NUP210: variants seen among roughly 807,000 people sequenced by gnomAD.
NUP210 encodes nucleoporin 210.
Under a neutral mutation model 196.0 loss-of-function variants are expected in NUP210, and 151 were observed. The ratio of observed to expected loss-of-function variants is 0.77; its 90% CI spans 0.67 to 0.88. NUP210 has a LOEUF of 0.88. Among genes scored for constraint, NUP210 ranks in the 40% least tolerant of loss-of-function variants. The pLI is 0.00. For synonymous variants in NUP210, 1,070 were observed against 1,052.7 expected (o/e 1.02, Z -0.32); for missense variants, 2,314 against 2,493.7 (o/e 0.93, Z 1.53).
intron 33 of NUP210, among the ~76,000 whole-genome samples, chr3:13,325,187 C>T (rs1403485672): frequency 1.3e-5 from 2 of 152,190 alleles, no homozygotes; most frequent in Non-Finnish European, 2.9e-5. Flanking sequence ...CACCCCATCC[C>T]CTGACCAGAG....
chr3:13,337,566 T>C (rs1697266769), intron 26 of NUP210, among the ~76,000 whole-genome samples: 1 of 150,952 alleles, frequency 6.6e-6, no homozygotes, highest in Non-Finnish European at 1.5e-5. Context: ...CAGCACGGAG[T>C]TGAGTTAAGT....
At chr3:13,322,598 C>G (rs1461948608) in intron 34 of NUP210, among the ~76,000 whole-genome samples, 5 of 152,254 alleles carry the variant, frequency 3.3e-5, no homozygotes, top group African/African-American at 1.2e-4. Flanking sequence ...ACCTTGCATC[C>G]AGGGGCACGG....
At chr3:13,343,339 TGGG>T in intron 20 of NUP210, 36 bp from the exon 21 acceptor site, 5 of 282,508 alleles carry the variant, frequency 1.8e-5, no homozygotes, top group Admixed American at 1.1e-4. Context: ...GGGTGGGTGG[TGGG>T]TTACGCAGCT....
intron 31 of NUP210, among the ~76,000 whole-genome samples, chr3:13,328,316 T>TG (rs1313410854): frequency 6.6e-6 from 1 of 152,248 alleles, no homozygotes; most frequent in African/African-American, 2.4e-5. Context: ...GATTTTTGGA[T>TG]GGTGACCTAC....
intron 18 of NUP210, among the ~76,000 whole-genome samples, chr3:13,352,999 G>A (rs149415281): frequency 9.2e-5 from 14 of 152,106 alleles, no homozygotes; most frequent in African/African-American, 3.4e-4. Context: ...CAGGCATCAG[G>A]CAGGAGGCCG....
chr3:13,350,838 G>A lies in NUP210; in HGVS notation c.2835+1041C>T, dbSNP rs994102703. 6.6e-6 allele frequency among the ~76,000 whole-genome samples: 1 copy of A among 150,684 alleles called. No homozygotes were observed. Among genetic ancestry groups the A allele is most frequent in the Non-Finnish European group, 1.5e-5 (1 of 67,434 alleles). On this transcript the variant is annotated intron_variant, in intron 20 of 39. Coordinates refer to ENST00000254508, the MANE Select transcript of NUP210 (RefSeq NM_024923.4). This position sits in a 1 kb window ranked among gnomAD's most constrained non-coding sequence, Gnocchi z 4.1. The stretch of plus-strand genomic sequence containing the variant: ...CTCCCGAGTAGCTGGGAATACAGGC[G>A]CCCGCCACTACGCCTGGCTAATTTT...
chr3:13,416,861 A>G (rs1036496294), intron 1 of NUP210, among the ~76,000 whole-genome samples: 1 of 152,230 alleles, frequency 6.6e-6, no homozygotes, highest in Non-Finnish European at 1.5e-5. Flanking sequence ...GAGAGGAAAC[A>G]TAAGTGACCG....
At chr3:13,322,447 C>A (rs1696579118) in intron 34 of NUP210, 108 bp from the exon 35 acceptor site, 1 of 1,250,512 alleles carries the variant, frequency 8.0e-7, no homozygotes, top group Non-Finnish European at 1.1e-6. Context: ...CCTGCCCCTG[C>A]ATGTCTTCCA....
At chr3:13,358,170 C>T (rs1386940129) in intron 16 of NUP210, 52 bp downstream of exon 16, 2 of 1,532,158 alleles carry the variant, frequency 1.3e-6, no homozygotes, top group East Asian at 2.3e-5. Context: ...CAATGTCCTC[C>T]TGCCCAAGCG....
At chr3:13,418,714 G>A (rs1452559418) in intron 1 of NUP210, among the ~76,000 whole-genome samples, 1 of 152,026 alleles carries the variant, frequency 6.6e-6, no homozygotes, top group Non-Finnish European at 1.5e-5. Flanking sequence ...CTTGAACCGG[G>A]GAGGCGGAAG....
intron 10 of NUP210, among the ~76,000 whole-genome samples, chr3:13,375,952 G>A (rs1441490180): frequency 6.6e-6 from 1 of 152,220 alleles, no homozygotes; most frequent in African/African-American, 2.4e-5. Context: ...CCAGCCCCCA[G>A]AGCTGAGGAG....
intron 1 of NUP210, among the ~76,000 whole-genome samples, chr3:13,400,296 G>T (rs1298275649): frequency 6.6e-6 from 1 of 152,170 alleles, no homozygotes; most frequent in African/African-American, 2.4e-5. Context: ...GCGCACAGCA[G>T]GCTCCAGGCA....
chr3:13,321,908 C>G, intron 35 of NUP210, 73 bp from the exon 36 acceptor site: 1 of 1,539,708 alleles, frequency 6.5e-7, no homozygotes, highest in South Asian at 1.2e-5. Flanking sequence ...CTCCCTGCTT[C>G]TCTAACCAGG....
At chr3:13,319,682 G>A in intron 37 of NUP210, 81 bp downstream of exon 37, 1 of 1,211,928 alleles carries the variant, frequency 8.3e-7, no homozygotes, top group East Asian at 2.5e-5. Flanking sequence ...TACACCTCAG[G>A]TTTCTACTGA....
intron 16 of NUP210, among the ~76,000 whole-genome samples, chr3:13,355,183 G>A (rs570988490): frequency 6.6e-6 from 1 of 152,360 alleles, no homozygotes; most frequent in East Asian, 1.9e-4. Flanking sequence ...GGGTAGGAAA[G>A]TGGGCAGCCA....
chr3:13,361,086 C>T (rs1460314309), intron 14 of NUP210, among the ~76,000 whole-genome samples: 1 of 152,210 alleles, frequency 6.6e-6, no homozygotes, highest in African/African-American at 2.4e-5. Context: ...GAGATATCCA[C>T]CAGGTGACCA....
At chr3:13,392,259 A>C (rs914088963) in intron 3 of NUP210, among the ~76,000 whole-genome samples, 5 of 152,174 alleles carry the variant, frequency 3.3e-5, no homozygotes, top group Non-Finnish European at 7.3e-5. Flanking sequence ...GACTGCATGA[A>C]ATAGTGCCTA....
chr3:13,354,203 G>T (rs920367803), intron 16 of NUP210, 96 bp from the exon 17 acceptor site: 1 of 1,016,614 alleles, frequency 9.8e-7, no homozygotes, highest in Admixed American at 2.3e-5. Flanking sequence ...CTGCCCTGTG[G>T]GCTCTTGGGG....
intron 6 of NUP210, among the ~76,000 whole-genome samples, chr3:13,382,046 C>T (rs539737151): frequency 7.2e-5 from 11 of 152,364 alleles, no homozygotes; most frequent in African/African-American, 2.4e-4. Context: ...CCTTCTACAA[C>T]TGAGTCTCTG....
Sources: allele counts gnomAD v4.1 joint callset (sites outside exome capture counted in the v4.1 genomes callset), GRCh38; gene constraint gnomAD v4.1.1; non-coding constraint Gnocchi (gnomAD v3.1); transcripts MANE v1.5; gene names NCBI Gene and HGNC (gene_info 2026-07-23, HGNC 2026-07-21).